Variants in C8orf88 observed in about 807,000 individuals in gnomAD.
C8orf88 encodes the protein uncharacterized protein C8orf88.
A neutral mutation model predicts 18.4 loss-of-function variants in C8orf88; 14 were observed. That is an observed-to-expected ratio of 0.76 (90% CI 0.50 to 1.19). The LOEUF (loss-of-function observed/expected upper bound fraction) is 1.19, where lower values mean the gene tolerates loss of function less well. Among genes scored for constraint, C8orf88 ranks in the 50% most tolerant of loss-of-function variants. C8orf88 has a pLI of 0.00. For missense variants in C8orf88, 116 were observed against 134.7 expected (o/e 0.86, Z 0.69); for synonymous variants, 45 against 42.9 (o/e 1.05, Z -0.19).
chr8:90,962,705 CCTTT>C (rs1424602023), intron 4 of C8orf88, among the ~76,000 whole-genome samples: 1 of 151,488 alleles, frequency 6.6e-6, no homozygotes, highest in African/African-American at 2.4e-5. Flanking sequence ...TTTGTTTTGA[CCTTT>C]CTTATAGTTC....
At chr8:90,971,044 G>T (rs559563849) in intron 4 of C8orf88, 22 bp downstream of exon 4, 4 of 1,411,728 alleles carry the variant, frequency 2.8e-6, no homozygotes, top group African/African-American at 2.9e-5. Context: ...TGATAAAATT[G>T]GGAATTATGA....
At chr8:90,984,044 A>G (rs1395844913) in intron 1 of C8orf88, among the ~76,000 whole-genome samples, 2 of 152,206 alleles carry the variant, frequency 1.3e-5, no homozygotes, top group Non-Finnish European at 2.9e-5. Context: ...CTCACGCTAC[A>G]GACATGGTAT....
At chr8:90,962,358 A>C (rs2130300823) in intron 4 of C8orf88, among the ~76,000 whole-genome samples, 1 of 151,770 alleles carries the variant, frequency 6.6e-6, no homozygotes, top group Admixed American at 6.6e-5. Context: ...GAAAACATAA[A>C]ATTCAAGAAA....
Position 90,968,838 on chromosome 8 carries a change from T to C in C8orf88, c.223+2228A>G, listed in dbSNP as rs191061502. On this transcript the variant is annotated intron_variant, in intron 4 of 5. Coordinates refer to ENST00000517562, the MANE Select transcript of C8orf88 (RefSeq NM_001190972.2). ...TTAAACAACTTGAATAAAGCATTTA[T>C]CCAAAAAAGAAATAGAAATAGCCAA... Among the ~76,000 whole-genome samples, 499 of 149,986 alleles carry C rather than the reference T, an allele frequency of 3.3e-3. 2 individuals carry two copies. Among genetic ancestry groups the C allele is most frequent in the Non-Finnish European group, 4.7e-3 (315 of 67,232 alleles).
At position 90,980,376 on chromosome 8, in the gene C8orf88, C is replaced by A; in HGVS notation, c.60G>T (p.Leu20=). Residue 20 remains leucine (L), a synonymous_variant, in exon 2 of 6, where the codon CTG becomes CTT. Coordinates refer to ENST00000517562, the MANE Select transcript of C8orf88 (RefSeq NM_001190972.2). The stretch of plus-strand genomic sequence containing the variant: ...TCTATTACTCACCTGGGGGAGAAGT[C>A]AGATGACGAACAGGTCTTGCTGGTT... ...PLQPARPVRH[L]TSPPGAVFPF... The A allele has an allele frequency of 6.5e-7, 1 of 1,530,116 alleles. No individual in the cohort carries two copies. Among genetic ancestry groups the A allele is most frequent in the South Asian group, 1.2e-5 (1 of 82,612 alleles). 94.8% of individuals were successfully genotyped at this position (1,530,116 alleles called of 1,614,324 possible). A position where few individuals can be genotyped will look rare whatever the true frequency, so the allele number is the denominator to read the frequency against.
chr8:90,959,074 C>T (rs939613401), intron 5 of C8orf88, 44 bp from the exon 6 acceptor site: 5 of 921,794 alleles, frequency 5.4e-6, no homozygotes, highest in Admixed American at 5.6e-5. Context: ...TGATTGAATA[C>T]AGTTTTTACT....
At chr8:90,984,945 A>G (rs1417188640) in intron 1 of C8orf88, among the ~76,000 whole-genome samples, 169 bp downstream of exon 1, 2 of 152,024 alleles carry the variant, frequency 1.3e-5, no homozygotes, top group Non-Finnish European at 2.9e-5. Context: ...TTCAGGGTCC[A>G]CAGGGTACTG....
chr8:90,980,443 A>G lies in C8orf88; in HGVS notation c.-8T>C. ...TAATTTTTTGGTTTCCATTGTCACA[A>G]AGACTTTGAGGTTCCATACTAGAAG... On this transcript the variant is annotated 5_prime_UTR_variant, in exon 2 of 6. Coordinates refer to ENST00000517562, the MANE Select transcript of C8orf88 (RefSeq NM_001190972.2). 2 of 1,521,056 alleles carry G rather than the reference A, an allele frequency of 1.3e-6. No homozygotes were observed. The highest frequency in any genetic ancestry group is 1.2e-5 in the South Asian group (1 of 81,524). 94.2% of individuals were successfully genotyped at this position (1,521,056 alleles called of 1,614,324 possible). A position where few individuals can be genotyped will look rare whatever the true frequency, so the allele number is the denominator to read the frequency against.
intron 3 of C8orf88, among the ~76,000 whole-genome samples, chr8:90,972,466 T>G (rs1245272262): frequency 2.0e-5 from 3 of 152,030 alleles, no homozygotes; most frequent in African/African-American, 7.2e-5. Context: ...AGATGCACAT[T>G]TCACTAAGTG....
chr8:90,965,781 G>T (rs925696784), intron 4 of C8orf88, among the ~76,000 whole-genome samples: 5 of 151,748 alleles, frequency 3.3e-5, no homozygotes, highest in African/African-American at 1.2e-4. Flanking sequence ...CTCTTATACA[G>T]CCAATGCATC....
At chr8:90,964,217 T>C (rs1232618750) in intron 4 of C8orf88, among the ~76,000 whole-genome samples, 1 of 151,676 alleles carries the variant, frequency 6.6e-6, no homozygotes, top group Non-Finnish European at 1.5e-5. Flanking sequence ...AAAGAGATTC[T>C]TCACACATAG....
chr8:90,964,571 T>C (rs1811169141), intron 4 of C8orf88, among the ~76,000 whole-genome samples: 1 of 151,596 alleles, frequency 6.6e-6, no homozygotes, highest in African/African-American at 2.4e-5. Context: ...CATGAGGAAA[T>C]AAAGAACACC....
intron 1 of C8orf88, among the ~76,000 whole-genome samples, chr8:90,982,358 C>T (rs1190050049): frequency 6.6e-6 from 1 of 152,070 alleles, no homozygotes; most frequent in Non-Finnish European, 1.5e-5. Flanking sequence ...TGATGTTTAT[C>T]CTAGCTATTT....
chr8:90,968,393 T>G (rs1305406181), intron 4 of C8orf88, among the ~76,000 whole-genome samples: 1 of 151,538 alleles, frequency 6.6e-6, no homozygotes, highest in Non-Finnish European at 1.5e-5. Flanking sequence ...AACAATGAAG[T>G]TGGACTTTTA....
At chr8:90,972,970 G>T (rs377011459) in intron 3 of C8orf88, among the ~76,000 whole-genome samples, 1 of 152,046 alleles carries the variant, frequency 6.6e-6, no homozygotes. Context: ...TAGTGGACCC[G>T]TTGAACTCAT....
At chr8:90,968,766 C>T (rs1811242319) in intron 4 of C8orf88, among the ~76,000 whole-genome samples, 1 of 146,502 alleles carries the variant, frequency 6.8e-6, no homozygotes, top group African/African-American at 2.5e-5. Context: ...AGTCTTGCAA[C>T]TCAATAACAA....
intron 5 of C8orf88, among the ~76,000 whole-genome samples, chr8:90,959,728 T>C (rs566414428): frequency 1.3e-5 from 2 of 151,482 alleles, no homozygotes; most frequent in Non-Finnish European, 3.0e-5. Context: ...ATACCAAAAA[T>C]GGAGATAGAA....
At chr8:90,961,786 A>C (rs538281321) in intron 4 of C8orf88, among the ~76,000 whole-genome samples, 102 of 151,600 alleles carry the variant, frequency 6.7e-4, no homozygotes, top group African/African-American at 2.4e-3. Flanking sequence ...TAATATATAG[A>C]TGAAGGGTGT....
At chr8:90,974,342 C>A (rs898788699) in intron 3 of C8orf88, among the ~76,000 whole-genome samples, 1 of 152,146 alleles carries the variant, frequency 6.6e-6, no homozygotes, top group Non-Finnish European at 1.5e-5. Flanking sequence ...GAAGCCCAAG[C>A]CACTTGGAAA....
Sources: allele counts gnomAD v4.1 joint callset (sites outside exome capture counted in the v4.1 genomes callset), GRCh38; gene constraint gnomAD v4.1.1; transcripts MANE v1.5; gene names NCBI Gene and HGNC (gene_info 2026-07-23, HGNC 2026-07-21).